The following PARN variants were observed in gnomAD, a reference collection of about 807,000 sequenced individuals.
The protein encoded by PARN is poly(A)-specific ribonuclease.
A neutral mutation model predicts 102.8 loss-of-function variants in PARN; 71 were observed. The observed-to-expected ratio is 0.69, with a 90% CI of 0.57 to 0.84. The LOEUF (loss-of-function observed/expected upper bound fraction) is 0.84. Ranked by LOEUF, PARN falls within the 40% of genes least tolerant of loss-of-function variation. PARN has a pLI of 0.00. For synonymous variants in PARN, 261 were observed against 252.9 expected (o/e 1.03, Z -0.30); for missense variants, 782 against 760.9 (o/e 1.03, Z -0.33).
In PARN at chr16:14,547,529, G is replaced by A. The variant is rs182395981; in HGVS notation, c.1480+4492C>T. On this transcript the variant is annotated intron_variant, in intron 21 of 23. Transcript: ENST00000437198. ...AAGACCAGCCGAGCAACATGGCAAGGCCCCATCTCTACAAGAAAATTTTGA... is the reference window on the plus strand; with the variant it reads ...AAGACCAGCCGAGCAACATGGCAAGACCCCATCTCTACAAGAAAATTTTGA... 4.6e-5 allele frequency among the ~76,000 whole-genome samples: 7 copies of A among 151,828 alleles called. 1 individual carries two copies. The East Asian group carries it at 1.4e-3, about 30-fold the overall frequency.
At chr16:14,481,892 T>C (rs1045865484) in intron 22 of PARN, among the ~76,000 whole-genome samples, 13 of 152,186 alleles carry the variant, frequency 8.5e-5, no homozygotes, top group Non-Finnish European at 1.3e-4. Flanking sequence ...TTATGGGTGA[T>C]AAAAGGAAGT....
At chr16:14,494,701 T>C (rs765695695) in intron 21 of PARN, among the ~76,000 whole-genome samples, 5 of 152,180 alleles carry the variant, frequency 3.3e-5, no homozygotes, top group African/African-American at 9.7e-5. Flanking sequence ...CAGGAGGGCC[T>C]TGTGGTCAGA....
intron 22 of PARN, among the ~76,000 whole-genome samples, chr16:14,459,325 T>C (rs1409202656): frequency 6.4e-4 from 98 of 152,204 alleles, no homozygotes; most frequent in Admixed American, 6.4e-3. Flanking sequence ...GTAAGGTTGG[T>C]TTAAGAATAC....
chr16:14,560,976 T>C (rs1968019771), intron 18 of PARN, among the ~76,000 whole-genome samples: 1 of 152,106 alleles, frequency 6.6e-6, no homozygotes, highest in East Asian at 1.9e-4. Flanking sequence ...GCCAATGTGG[T>C]GAAACCTCGT....
chr16:14,591,663 C>T (rs1970202276), intron 13 of PARN, among the ~76,000 whole-genome samples: 1 of 152,098 alleles, frequency 6.6e-6, no homozygotes, highest in African/African-American at 2.4e-5. Flanking sequence ...AAAGGATGGG[C>T]TGAAGGTTGA....
At chr16:14,442,400 G>A (rs1346543081) in intron 23 of PARN, among the ~76,000 whole-genome samples, 3 of 152,144 alleles carry the variant, frequency 2.0e-5, no homozygotes, top group Admixed American at 2.0e-4. Flanking sequence ...ACCTAGAACT[G>A]CTTGGATGGA....
At chr16:14,483,163 T>G (rs182511156) in intron 21 of PARN, among the ~76,000 whole-genome samples, 1 of 152,380 alleles carries the variant, frequency 6.6e-6, no homozygotes, top group East Asian at 1.9e-4. Flanking sequence ...TTATTCATTT[T>G]CAGAGTAACA....
chr16:14,572,599 T>G (rs1660532121), intron 18 of PARN, among the ~76,000 whole-genome samples: 1 of 152,216 alleles, frequency 6.6e-6, no homozygotes, highest in African/African-American at 2.4e-5. Context: ...CTCCATACAC[T>G]GCTGCGTTAT....
At chr16:14,538,433 T>A (rs1966707777) in intron 21 of PARN, among the ~76,000 whole-genome samples, 1 of 151,930 alleles carries the variant, frequency 6.6e-6, no homozygotes. Flanking sequence ...TTGACCAGGC[T>A]GGTCTCAAAC....
At chr16:14,453,757 GTTAGTA>G (rs2151564671) in intron 22 of PARN, among the ~76,000 whole-genome samples, 1 of 152,274 alleles carries the variant, frequency 6.6e-6, no homozygotes, top group African/African-American at 2.4e-5. Flanking sequence ...TCACATGGCT[GTTAGTA>G]TTAGTACTTT....
At position 14,435,705 on chromosome 16, in the gene PARN, A is replaced by G. The variant is rs1215160490; in HGVS notation, c.*1012T>C. 1.3e-5 allele frequency: 2 copies of G among 152,190 alleles called. No homozygotes were observed. Among genetic ancestry groups the G allele is most frequent in the African/African-American group, 4.8e-5 (2 of 41,444 alleles). 9.4% of individuals were successfully genotyped at this position (152,190 alleles called of 1,614,324 possible). Reference sequence around the variant, plus strand: ...AAAGAGAGGAGAAAACCAGAGTCCTATGAAAATGTTTTTAATTTTCATCTT... The same window carrying G: ...AAAGAGAGGAGAAAACCAGAGTCCTGTGAAAATGTTTTTAATTTTCATCTT... On this transcript the variant is annotated 3_prime_UTR_variant, in exon 24 of 24. Transcript: ENST00000437198.
intron 22 of PARN, among the ~76,000 whole-genome samples, chr16:14,476,171 T>C (rs1963039633): frequency 6.6e-6 from 1 of 152,200 alleles, no homozygotes; most frequent in African/African-American, 2.4e-5. Context: ...ATTAAAAATG[T>C]TCAAATATCT....
intron 21 of PARN, among the ~76,000 whole-genome samples, chr16:14,535,234 C>T (rs973168476): frequency 1.7e-4 from 26 of 152,156 alleles, no homozygotes; most frequent in Admixed American, 1.4e-3. Flanking sequence ...TGTGGGTAAA[C>T]CCCTGGTCTG....
intron 21 of PARN, among the ~76,000 whole-genome samples, chr16:14,512,223 C>T (rs1241984280): frequency 1.3e-5 from 2 of 152,060 alleles, no homozygotes; most frequent in Admixed American, 1.3e-4. Context: ...TCGTCCTGGC[C>T]GGGCGTGGTA....
At chr16:14,466,038 T>C (rs1296724498) in intron 22 of PARN, among the ~76,000 whole-genome samples, 1 of 152,132 alleles carries the variant, frequency 6.6e-6, no homozygotes, top group East Asian at 1.9e-4. Flanking sequence ...AAAGTAACTA[T>C]TGCGTACCAG....
chr16:14,608,263 T>C lies in PARN; in HGVS notation c.659+18A>G. The C allele has an allele frequency of 2.7e-6, 4 of 1,509,272 alleles. No individual in the cohort carries two copies. The highest frequency in any genetic ancestry group is 3.6e-6 in the Non-Finnish European group (4 of 1,112,180). 93.5% of individuals were successfully genotyped at this position (1,509,272 alleles called of 1,614,324 possible). On this transcript the variant is annotated intron_variant, in intron 9 of 23. Transcript: ENST00000437198. ...CTGGGTCCCCCACAGAGCTGCTGCA[T>C]ACAATATAAATACTTACTTCCAGCT... is the stretch of plus-strand genomic sequence containing the variant.
chr16:14,492,921 C>T (rs886274313), intron 21 of PARN, among the ~76,000 whole-genome samples: 2 of 152,148 alleles, frequency 1.3e-5, no homozygotes, highest in African/African-American at 2.4e-5. Context: ...CAGACATCTC[C>T]ACCTACCTTA....
At chr16:14,629,051 G>T (rs145826271) in intron 2 of PARN, among the ~76,000 whole-genome samples, 1 of 152,184 alleles carries the variant, frequency 6.6e-6, no homozygotes, top group Non-Finnish European at 1.5e-5. Flanking sequence ...GGCAAATATT[G>T]TAAGATTCCA....
In PARN at chr16:14,582,225, G is replaced by C; in HGVS notation, c.1148C>G (p.Ala383Gly). ...GATGAAGCACAGCCCTGTGATGTAG[G>C]CATCGTAGCCTGCCTCGTGGAGTTG... ...SEQLHEAGYD[A>G]YITGLCFISM... The change falls in exon 17 of 24, where the codon GCC (alanine) becomes GGC (glycine). Residue 383 changes from alanine to glycine, a missense_variant. Physicochemically the swap from Ala to Gly is moderately conservative, Grantham distance 60 (BLOSUM62 0). Transcript: ENST00000437198. The C allele has an allele frequency of 3.1e-6, 5 of 1,613,398 alleles. No homozygotes were observed. Among genetic ancestry groups the C allele is most frequent in the Non-Finnish European group, 4.2e-6 (5 of 1,179,318 alleles).
Sources: allele counts gnomAD v4.1 joint callset (sites outside exome capture counted in the v4.1 genomes callset), GRCh38; gene constraint gnomAD v4.1.1; transcripts MANE v1.5; gene names NCBI Gene and HGNC (gene_info 2026-07-23, HGNC 2026-07-21).